The following JCAD variants were observed in gnomAD, a reference collection of about 807,000 sequenced individuals.
The protein encoded by JCAD is junctional cadherin 5 associated, also known as junctional cadherin 5-associated protein.
JCAD carries 40 observed loss-of-function variants against 98.0 expected under a neutral mutation model. The ratio of observed to expected loss-of-function variants is 0.41; its 90% CI spans 0.32 to 0.53. The LOEUF (loss-of-function observed/expected upper bound fraction) is 0.53, where lower values mean the gene tolerates loss of function less well. JCAD is among the 20% of genes least tolerant of loss of function. The probability of loss-of-function intolerance (pLI) is 0.31; values close to 1 mark genes in which losing one functional copy is unlikely to be tolerated. For missense variants in JCAD, 1,705 were observed against 1,738.1 expected (o/e 0.98, Z 0.34); for synonymous variants, 691 against 682.3 (o/e 1.01, Z -0.20).
At chr10:30,098,726 A>G (rs1838418560) in intron 1 of JCAD, among the ~76,000 whole-genome samples, 1 of 152,242 alleles carries the variant, frequency 6.6e-6, no homozygotes, top group Non-Finnish European at 1.5e-5. Context: ...AGGATGACTC[A>G]TATTCTCTTT....
intron 2 of JCAD, among the ~76,000 whole-genome samples, chr10:30,042,286 T>C (rs1229432591): frequency 1.3e-5 from 2 of 152,178 alleles, no homozygotes; most frequent in Non-Finnish European, 2.9e-5. Flanking sequence ...GCACCTGCAG[T>C]GGGGAAAGCT....
upstream of JCAD, among the ~76,000 whole-genome samples, chr10:30,061,897 T>C (rs760521508): frequency 5.9e-5 from 9 of 152,216 alleles, no homozygotes; most frequent in Non-Finnish European, 1.2e-4. Flanking sequence ...GGAGCACCTC[T>C]ATGTGCCCAG....
chr10:30,056,034 C>A (rs918908961), intron 1 of JCAD, among the ~76,000 whole-genome samples: 1 of 152,054 alleles, frequency 6.6e-6, no homozygotes, highest in African/African-American at 2.4e-5. Context: ...TTTTATGAGA[C>A]CTTAAGTACC....
intron 1 of JCAD, among the ~76,000 whole-genome samples, chr10:30,070,406 G>A (rs1015038421): frequency 6.6e-6 from 1 of 152,130 alleles, no homozygotes; most frequent in African/African-American, 2.4e-5. Flanking sequence ...ACCATCCCTC[G>A]AGGCTCTATC....
At position 30,013,543 on chromosome 10, in the gene JCAD, A is replaced by G. The variant is rs1034601119; in HGVS notation, c.*4340T>C. On this transcript the variant is annotated 3_prime_UTR_variant, in exon 4 of 4. Transcript: ENST00000375377. Reference sequence around the variant, plus strand: ...TCTGTTTGCTGCCATATGCTTCTCAACTTGAACTTGCCTTTGTCTCCTTGC... The same window carrying G: ...TCTGTTTGCTGCCATATGCTTCTCAGCTTGAACTTGCCTTTGTCTCCTTGC... 8 of 152,276 alleles carry G rather than the reference A, an allele frequency of 5.3e-5. No homozygotes were observed. Among genetic ancestry groups the G allele is most frequent in the African/African-American group, 1.4e-4 (6 of 41,550 alleles). 9.4% of individuals were successfully genotyped at this position (152,276 alleles called of 1,614,324 possible).
At position 30,089,537 on chromosome 10, in the gene JCAD, T is replaced by C. The variant is rs1399799897; in HGVS notation, n.129-19716A>G. Among the ~76,000 whole-genome samples the C allele has an allele frequency of 2.6e-5, 4 of 151,804 alleles. No individual in the cohort carries two copies. The East Asian group carries it at 7.7e-4, about 29-fold the overall frequency. ...CCGTGTGTGTGTGTGTGTGTGTGTG[T>C]GTGTGTGTGTGTGTTTGCTACTAAT... is the stretch of plus-strand genomic sequence containing the variant. On this transcript the variant is annotated intron_variant and non_coding_transcript_variant, in intron 1 of 2. Coordinates refer to the JCAD transcript ENST00000465712.
At chr10:30,063,326 C>T (rs189229098), upstream of JCAD, among the ~76,000 whole-genome samples, 66 of 152,190 alleles carry the variant, frequency 4.3e-4, no homozygotes, top group African/African-American at 1.4e-3. Context: ...TTCACAGACT[C>T]AGGAAGGAAC....
chr10:30,052,707 G>A (rs1040019084), intron 1 of JCAD, among the ~76,000 whole-genome samples: 2 of 152,152 alleles, frequency 1.3e-5, no homozygotes, highest in Non-Finnish European at 2.9e-5. Flanking sequence ...GGAAGTGCCA[G>A]GCACTGGGCT....
At chr10:30,054,923 C>T (rs547926699) in intron 1 of JCAD, among the ~76,000 whole-genome samples, 5 of 152,266 alleles carry the variant, frequency 3.3e-5, no homozygotes, top group Admixed American at 2.0e-4. Context: ...CCCGCCTCGG[C>T]CTCCCAAAGT....
intron 1 of JCAD, among the ~76,000 whole-genome samples, chr10:30,084,464 C>T (rs1292265655): frequency 6.6e-6 from 1 of 152,168 alleles, no homozygotes. Flanking sequence ...GACTTGAGTA[C>T]AGCAAATCAC....
intron 1 of JCAD, among the ~76,000 whole-genome samples, chr10:30,070,154 T>A (rs1200032339): frequency 2.0e-5 from 3 of 152,112 alleles, no homozygotes; most frequent in Non-Finnish European, 4.4e-5. Context: ...GAAATATAAG[T>A]CCGAGAAAAG....
rs147475583 is a variant in JCAD, at chr10:30,100,635, C to T, written n.128+14732G>A. Among the ~76,000 whole-genome samples, 1,062 of 152,316 alleles carry T rather than the reference C, an allele frequency of 7.0e-3. 5 individuals carry two copies. Among genetic ancestry groups the T allele is most frequent in the Non-Finnish European group, 0.011 (764 of 68,028 alleles). On this transcript the variant is annotated intron_variant and non_coding_transcript_variant, in intron 1 of 2. Transcript: ENST00000465712. ...CGAACCTCAGGTGATCTGCCCACCT[C>T]GGCCTCCCAAAGTGCTGGGATTACA...
chr10:30,084,134 G>C (rs1838130543), intron 1 of JCAD, among the ~76,000 whole-genome samples: 1 of 150,482 alleles, frequency 6.6e-6, no homozygotes. Flanking sequence ...AAAGAAAAAG[G>C]AAGAGAAAAG....
At chr10:30,054,059 C>CA (rs760419958) in intron 1 of JCAD, among the ~76,000 whole-genome samples, 15 of 151,062 alleles carry the variant, frequency 9.9e-5, no homozygotes, top group East Asian at 5.8e-4. Flanking sequence ...GGCTCCATCT[C>CA]AAAAAAAAAT....
Position 30,026,735 on chromosome 10 carries a change from G to C in JCAD, c.3413C>G (p.Pro1138Arg), listed in dbSNP as rs1836815250. 4.3e-6 allele frequency: 7 copies of C among 1,614,120 alleles called. No homozygotes were observed. The highest frequency in any genetic ancestry group is 3.3e-4 in the Middle Eastern group (2 of 6,054). The part of the protein sequence containing the change: ...LLSRPAPADV[P>R]RVSTDAFYGR... The stretch of plus-strand genomic sequence containing the variant: ...ATAAAAGGCATCAGTGGACACCCTG[G>C]GGACATCTGCCGGTGCTGGGCGAGA... The change falls in exon 3 of 4, where the codon CCC becomes CGC. Residue 1138 changes from proline (P) to arginine (R), a missense_variant. By Grantham distance (103) the Pro-to-Arg change is moderately radical. Transcript: ENST00000375377.
chr10:30,013,973 G>C lies in JCAD; in HGVS notation c.*3910C>G, dbSNP rs1483385463. The stretch of plus-strand genomic sequence containing the variant: ...CAACCTTTTCAAGAGGCCTCAATCT[G>C]AATTTATGGTCTTAATGACTCCCTT... On this transcript the variant is annotated 3_prime_UTR_variant, in exon 4 of 4. Transcript: ENST00000375377. 3 of 152,174 alleles carry C rather than the reference G, an allele frequency of 2.0e-5. No homozygotes were observed. The highest frequency in any genetic ancestry group is 2.0e-4 in the Admixed American group (3 of 15,274). The allele number at this position is 152,174 out of a possible 1,614,324, so 9.4% of individuals were successfully genotyped here.
chr10:30,084,249 T>C (rs1319779365), intron 1 of JCAD, among the ~76,000 whole-genome samples: 4 of 151,566 alleles, frequency 2.6e-5, no homozygotes, highest in Admixed American at 2.0e-4. Context: ...AATATGCAAA[T>C]AGGCAAAGCA....
At chr10:30,072,531 G>A (rs1837911083) in intron 1 of JCAD, among the ~76,000 whole-genome samples, 1 of 152,192 alleles carries the variant, frequency 6.6e-6, no homozygotes, top group Non-Finnish European at 1.5e-5. Flanking sequence ...GACTGGAAAT[G>A]TCATAGTCTG....
intron 1 of JCAD, among the ~76,000 whole-genome samples, chr10:30,056,063 G>A (rs889039302): frequency 2.0e-5 from 3 of 152,160 alleles, no homozygotes; most frequent in African/African-American, 4.8e-5. Flanking sequence ...ATTTCTGAAA[G>A]ATTAGAAGTC....
Sources: allele counts gnomAD v4.1 joint callset (sites outside exome capture counted in the v4.1 genomes callset), GRCh38; gene constraint gnomAD v4.1.1; transcripts MANE v1.5; gene names NCBI Gene and HGNC (gene_info 2026-07-23, HGNC 2026-07-21).